The following PLCE1 variants were observed in gnomAD, a reference collection of about 807,000 sequenced individuals.
PLCE1 encodes 1-phosphatidylinositol 4,5-bisphosphate phosphodiesterase epsilon-1.
Under a neutral mutation model 242.8 loss-of-function variants are expected in PLCE1, and 119 were observed. The ratio of observed to expected loss-of-function variants is 0.49; its 90% confidence interval spans 0.42 to 0.57. The LOEUF (loss-of-function observed/expected upper bound fraction) is 0.57, where lower values mean the gene tolerates loss of function less well. PLCE1 is among the 20% of genes least tolerant of loss of function. PLCE1 has a pLI of 0.00. For missense variants in PLCE1, 2,441 were observed against 2,788.8 expected (o/e 0.88, Z 2.81); for synonymous variants, 945 against 1,017.4 (o/e 0.93, Z 1.35).
intron 2 of PLCE1, among the ~76,000 whole-genome samples, chr10:94,119,942 G>A (rs1405125305): frequency 6.6e-6 from 1 of 152,218 alleles, no homozygotes; most frequent in Non-Finnish European, 1.5e-5. Context: ...AGAAATTAAA[G>A]TGCGGCTACT....
intron 2 of PLCE1, among the ~76,000 whole-genome samples, chr10:94,101,142 A>G (rs2045519808): frequency 6.6e-6 from 1 of 152,130 alleles, no homozygotes; most frequent in Non-Finnish European, 1.5e-5. Flanking sequence ...GCTTATGAGG[A>G]AATGGGGCAT....
intron 2 of PLCE1, among the ~76,000 whole-genome samples, chr10:94,069,874 A>T (rs2044303217): frequency 6.6e-6 from 1 of 152,138 alleles, no homozygotes; most frequent in African/African-American, 2.4e-5. Context: ...GTGGAGTCTA[A>T]CCAAAGCCAG....
Position 93,994,144 on chromosome 10 carries a change from A to C in PLCE1, c.-479A>C, listed in dbSNP as rs998618719. Among the ~76,000 whole-genome samples, 3 of 152,052 alleles carry C rather than the reference A, an allele frequency of 2.0e-5. No individual in the cohort carries two copies. The highest frequency in any genetic ancestry group is 7.2e-5 in the African/African-American group (3 of 41,418). Reference sequence around the variant, plus strand: ...GCGCGTTCCTGGGCATCGGCTCTGCAGCTGACACACAGTAGCGGGGACACC... The same window carrying C: ...GCGCGTTCCTGGGCATCGGCTCTGCCGCTGACACACAGTAGCGGGGACACC... On this transcript the variant is annotated 5_prime_UTR_variant, in exon 1 of 33. Transcript: ENST00000371380.
At chr10:94,297,587 T>A (rs1159144126) in intron 23 of PLCE1, among the ~76,000 whole-genome samples, 1 of 62,988 alleles carries the variant, frequency 1.6e-5, no homozygotes, top group African/African-American at 6.2e-5. Context: ...AACTTTAAAT[T>A]TGTAAAAAAA....
At chr10:94,014,814 G>A (rs1415836475) in intron 1 of PLCE1, among the ~76,000 whole-genome samples, 8 of 152,204 alleles carry the variant, frequency 5.3e-5, no homozygotes, top group Admixed American at 2.6e-4. Context: ...TGCTAAAAAT[G>A]CAGATCTCTT....
chr10:94,112,224 T>C (rs2045978951), intron 2 of PLCE1, among the ~76,000 whole-genome samples: 2 of 152,246 alleles, frequency 1.3e-5, no homozygotes, highest in South Asian at 4.1e-4. Flanking sequence ...ACAAGGAAGG[T>C]GAATGGGTGA....
At chr10:94,015,616 T>C (rs1012646404) in intron 1 of PLCE1, among the ~76,000 whole-genome samples, 12 of 152,128 alleles carry the variant, frequency 7.9e-5, no homozygotes, top group Admixed American at 7.2e-4. Flanking sequence ...GTGAGGCTTA[T>C]AGACAGTGGT....
intron 29 of PLCE1, among the ~76,000 whole-genome samples, chr10:94,317,807 T>C (rs2053630284): frequency 1.3e-5 from 2 of 152,204 alleles, no homozygotes; most frequent in Admixed American, 1.3e-4. Flanking sequence ...TTCTCTAGCA[T>C]AGACAGTCAT....
At chr10:94,140,020 T>C (rs1366270531) in intron 3 of PLCE1, among the ~76,000 whole-genome samples, 1 of 152,120 alleles carries the variant, frequency 6.6e-6, no homozygotes, top group Non-Finnish European at 1.5e-5. Context: ...ATTTTCTTTT[T>C]GTGAGACTTT....
intron 1 of PLCE1, among the ~76,000 whole-genome samples, chr10:94,011,916 T>C (rs1050200479): frequency 7.9e-5 from 12 of 152,094 alleles, no homozygotes; most frequent in African/African-American, 2.7e-4. Context: ...GTGACCAAAT[T>C]TGGGGCATAA....
intron 32 of PLCE1, chr10:94,325,596 CAAAAA>C (rs1170249339): frequency 8.8e-6 from 1 of 113,332 alleles, no homozygotes; most frequent in Non-Finnish European, 1.9e-5. Flanking sequence ...AACTCCGTCT[CAAAAA>C]AAAAAAAAGA....
At chr10:94,153,241 A>G (rs570965254) in intron 3 of PLCE1, among the ~76,000 whole-genome samples, 2 of 152,308 alleles carry the variant, frequency 1.3e-5, no homozygotes, top group African/African-American at 4.8e-5. Flanking sequence ...TAATATATTC[A>G]TATAAAAATG....
chr10:94,026,877 G>A (rs1356403547), intron 1 of PLCE1, among the ~76,000 whole-genome samples: 1 of 152,052 alleles, frequency 6.6e-6, no homozygotes, highest in African/African-American at 2.4e-5. Flanking sequence ...GCCAGACCTT[G>A]GTTGTTCTTT....
In PLCE1 at chr10:94,118,901, G is replaced by A. The variant is rs192971702; in HGVS notation, c.1207-13273G>A. On this transcript the variant is annotated intron_variant, in intron 2 of 32. Coordinates refer to ENST00000371380, the MANE Select transcript of PLCE1 (RefSeq NM_016341.4). The stretch of plus-strand genomic sequence containing the variant: ...GAGTGCAGTTTTAATGCCACGACCC[G>A]TCCATTTTTTTGTAGTTCCCCAATA... Among the ~76,000 whole-genome samples, 8 of 152,190 alleles carry A rather than the reference G, an allele frequency of 5.3e-5. No homozygotes were observed. The East Asian group carries it at 7.7e-4, about 15-fold the overall frequency.
chr10:94,313,492 A>G, intron 28 of PLCE1, 110 bp downstream of exon 28: 3 of 1,240,962 alleles, frequency 2.4e-6, no homozygotes, highest in Non-Finnish European at 3.5e-6. Flanking sequence ...TGAATGCGCA[A>G]AAGTCCATGT....
intron 24 of PLCE1, among the ~76,000 whole-genome samples, chr10:94,299,943 AT>A (rs1245830140): frequency 6.6e-6 from 1 of 152,240 alleles, no homozygotes. Context: ...TGAAAACAGT[AT>A]GATTTGGGCT....
chr10:94,271,936 C>T (rs2051759415), intron 18 of PLCE1, among the ~76,000 whole-genome samples: 1 of 152,108 alleles, frequency 6.6e-6, no homozygotes, highest in African/African-American at 2.4e-5. Context: ...AAGGGGTTTA[C>T]AAACAGGGAG....
At chr10:94,029,998 G>T (rs770818266) in intron 1 of PLCE1, among the ~76,000 whole-genome samples, 3 of 152,130 alleles carry the variant, frequency 2.0e-5, no homozygotes, top group African/African-American at 7.2e-5. Context: ...AGCAGTGCAG[G>T]CTTGTTAGTG....
At chr10:94,278,394 A>G (rs1306021735) in intron 19 of PLCE1, among the ~76,000 whole-genome samples, 1 of 152,244 alleles carries the variant, frequency 6.6e-6, no homozygotes, top group Non-Finnish European at 1.5e-5. Context: ...ACCTATTGTC[A>G]TCAATAGAAA....
Sources: gnomAD v4.1 joint callset for allele counts (sites outside exome capture counted in the v4.1 genomes callset) on GRCh38, gnomAD v4.1.1 for gene constraint, MANE v1.5 for transcripts, NCBI Gene and HGNC (gene_info 2026-07-23, HGNC 2026-07-21) for gene names.